TESC: variants seen among roughly 807,000 people sequenced by gnomAD.
TESC encodes the protein calcineurin B homologous protein 3.
A neutral mutation model predicts 31.0 loss-of-function variants in TESC; 19 were observed. The observed-to-expected ratio is 0.61, with a 90% CI of 0.43 to 0.90. The LOEUF is 0.90. TESC is among the 40% of genes least tolerant of loss of function. TESC has a pLI of 0.00. For synonymous variants in TESC, 109 were observed against 114.8 expected (o/e 0.95, Z 0.32); for missense variants, 248 against 303.8 (o/e 0.82, Z 1.36).
chr12:117,039,704 TCTCCACAGTGTGGTCTTTA>T (rs1412175466), intron 7 of TESC, among the ~76,000 whole-genome samples: 1 of 152,214 alleles, frequency 6.6e-6, no homozygotes, highest in African/African-American at 2.4e-5. Flanking sequence ...AATTTAAGGA[TCTCCACAGTGTGGTCTTTA>T]CAACCTCCCT....
chr12:117,085,384 G>C (rs1056446901), intron 1 of TESC, among the ~76,000 whole-genome samples: 1 of 152,192 alleles, frequency 6.6e-6, no homozygotes, highest in African/African-American at 2.4e-5. Flanking sequence ...GAGACTGAGA[G>C]ACAGCAGGTG....
chr12:117,087,073 C>T (rs1424395920), intron 1 of TESC, among the ~76,000 whole-genome samples: 1 of 152,224 alleles, frequency 6.6e-6, no homozygotes, highest in East Asian at 1.9e-4. Flanking sequence ...CTGGCACACG[C>T]AGGGCACTTC....
chr12:117,071,686 G>A (rs929112728), intron 2 of TESC, among the ~76,000 whole-genome samples: 3 of 152,168 alleles, frequency 2.0e-5, no homozygotes, highest in South Asian at 4.1e-4. Context: ...CTGGGGATGG[G>A]TGTGCAGGAG....
chr12:117,056,538 A>C (rs1954727125), intron 3 of TESC, among the ~76,000 whole-genome samples: 1 of 152,132 alleles, frequency 6.6e-6, no homozygotes, highest in African/African-American at 2.4e-5. Context: ...ATGCTTGGCT[A>C]TTGTGTTAAA....
At chr12:117,067,719 A>G (rs934645819) in intron 2 of TESC, among the ~76,000 whole-genome samples, 10 of 152,212 alleles carry the variant, frequency 6.6e-5, no homozygotes, top group African/African-American at 2.4e-4. Context: ...TTGCTTTTGA[A>G]CTGAGGACCT....
intron 3 of TESC, among the ~76,000 whole-genome samples, chr12:117,051,668 G>A (rs970093281): frequency 6.6e-5 from 10 of 152,180 alleles, no homozygotes; most frequent in Middle Eastern, 3.2e-3. Flanking sequence ...TGCAGCAAGA[G>A]GGATTAAGAT....
chr12:117,059,316 C>T (rs1954771066), intron 2 of TESC, among the ~76,000 whole-genome samples: 1 of 152,182 alleles, frequency 6.6e-6, no homozygotes, highest in African/African-American at 2.4e-5. Context: ...TGGCCGATTC[C>T]CGGGTCCCTC....
intron 3 of TESC, among the ~76,000 whole-genome samples, chr12:117,052,604 G>A (rs1449851603): frequency 6.6e-6 from 1 of 152,086 alleles, no homozygotes; most frequent in Admixed American, 6.6e-5. Flanking sequence ...GACCTATAGG[G>A]GAGGCTCTCA....
intron 2 of TESC, among the ~76,000 whole-genome samples, chr12:117,062,282 C>T (rs1392541609): frequency 6.6e-6 from 1 of 151,874 alleles, no homozygotes; most frequent in Non-Finnish European, 1.5e-5. Context: ...AGCACAGTGG[C>T]GTGATCTCTG....
At chr12:117,084,396 C>T (rs1350647354) in intron 1 of TESC, among the ~76,000 whole-genome samples, 1 of 152,224 alleles carries the variant, frequency 6.6e-6, no homozygotes, top group Non-Finnish European at 1.5e-5. Flanking sequence ...TGCCACCGTT[C>T]CCTCCAGCCA....
chr12:117,078,021 A>C (rs569552170), intron 1 of TESC, among the ~76,000 whole-genome samples: 2 of 152,382 alleles, frequency 1.3e-5, no homozygotes, highest in South Asian at 4.1e-4. Flanking sequence ...AAGAAAAATG[A>C]ATAAAAATTT....
At chr12:117,051,572 T>C (rs1489829908) in intron 3 of TESC, among the ~76,000 whole-genome samples, 1 of 152,144 alleles carries the variant, frequency 6.6e-6, no homozygotes, top group Non-Finnish European at 1.5e-5. Context: ...TTACAGAGCA[T>C]AAAAATAGCC....
chr12:117,075,133 G>A (rs376171182), intron 2 of TESC, 138 bp downstream of exon 2: 117 of 879,878 alleles, frequency 1.3e-4, no homozygotes, highest in African/African-American at 1.3e-3. Flanking sequence ...GCGACGGAGC[G>A]AGACTCCATC....
intron 1 of TESC, among the ~76,000 whole-genome samples, chr12:117,094,514 C>A (rs1593030016): frequency 6.6e-6 from 1 of 152,202 alleles, no homozygotes; most frequent in African/African-American, 2.4e-5. Flanking sequence ...AAGACACGTT[C>A]TTTCTGCTCT....
At chr12:117,042,214 G>A (rs889895399) in intron 6 of TESC, among the ~76,000 whole-genome samples, 2 of 152,198 alleles carry the variant, frequency 1.3e-5, no homozygotes, top group Admixed American at 6.5e-5. Context: ...ATGGGCTTGA[G>A]GGTGGGATGG....
chr12:117,068,830 C>G (rs1015988704), intron 2 of TESC, among the ~76,000 whole-genome samples: 56 of 152,170 alleles, frequency 3.7e-4, no homozygotes, highest in African/African-American at 1.3e-3. Context: ...TCCATAGCGT[C>G]TATTTCTGGC....
At chr12:117,040,203 T>C (rs950491733) in intron 7 of TESC, among the ~76,000 whole-genome samples, 1 of 152,214 alleles carries the variant, frequency 6.6e-6, no homozygotes, top group Admixed American at 6.5e-5. Context: ...GAGCCTGTTC[T>C]GGGTGTCATG....
At chr12:117,075,985 A>ATTT (rs201923877) in intron 1 of TESC, among the ~76,000 whole-genome samples, 48 of 100,634 alleles carry the variant, frequency 4.8e-4, no homozygotes, top group Non-Finnish European at 7.6e-4. Flanking sequence ...ATATATATAT[A>ATTT]TTTTTTTTTT....
In TESC at chr12:117,099,388, G is replaced by T; in HGVS notation, c.-106C>A. 1 of 1,137,076 alleles carries T rather than the reference G, an allele frequency of 8.8e-7. No homozygotes were observed. The highest frequency in any genetic ancestry group is 1.1e-6 in the Non-Finnish European group (1 of 886,828). The allele number at this position is 1,137,076 out of a possible 1,614,324, so 70.4% of individuals were successfully genotyped here. ...CTCGGGTCCGGCCTCGGGTCGGGAC[G>T]CCGGCGAAGGCTCGGAGCCGCGGGT... On this transcript the variant is annotated 5_prime_UTR_variant, in exon 1 of 8. Coordinates refer to ENST00000335209, the MANE Select transcript of TESC (RefSeq NM_017899.4).
Sources: gnomAD v4.1 joint callset for allele counts (sites outside exome capture counted in the v4.1 genomes callset) on GRCh38, gnomAD v4.1.1 for gene constraint, MANE v1.5 for transcripts, NCBI Gene and HGNC (gene_info 2026-07-23, HGNC 2026-07-21) for gene names.